Variants in IDUA observed in about 807,000 individuals in gnomAD.
The protein encoded by IDUA is alpha-L-iduronidase.
A neutral mutation model predicts 68.9 loss-of-function variants in IDUA; 65 were observed. The ratio of observed to expected loss-of-function variants is 0.94; its 90% CI spans 0.77 to 1.16. The LOEUF (loss-of-function observed/expected upper bound fraction) is 1.16, where lower values mean the gene tolerates loss of function less well. Among genes scored for constraint, IDUA ranks in the 50% most tolerant of loss-of-function variants. The probability of loss-of-function intolerance (pLI) is 0.00; values close to 1 mark genes in which losing one functional copy is unlikely to be tolerated. For missense variants in IDUA, 1,046 were observed against 938.0 expected (o/e 1.12, Z -1.50); for synonymous variants, 529 against 433.6 (o/e 1.22, Z -2.73).
At chr4:995,779 G>C (rs1714711114) in intron 2 of IDUA, among the ~76,000 whole-genome samples, 1 of 152,238 alleles carries the variant, frequency 6.6e-6, no homozygotes. Flanking sequence ...CGTCTGCCAA[G>C]CGCTGCTAGT....
At position 1,001,782 on chromosome 4, in the gene IDUA, C is replaced by G; in HGVS notation, c.693C>G (p.Ser231=). Residue 231 remains serine, a synonymous_variant, in exon 6 of 14, where the codon TCC becomes TCG. Transcript: ENST00000514224. ...ACTCCTTCCACACCCCACCGCGATC[C>G]CCGCTGAGCTGGGGCCTCCTGCGCC... ...PGDSFHTPPR[S]PLSWGLLRHC... is the part of the protein sequence containing the mutation. The G allele has an allele frequency of 6.2e-7, 1 of 1,603,336 alleles. No individual in the cohort carries two copies. The highest frequency in any genetic ancestry group is 8.5e-7 in the Non-Finnish European group (1 of 1,177,928).
chr4:1,001,390 CA>C (rs1392078804), intron 4 of IDUA, 77 bp from the exon 5 acceptor site: 1 of 1,219,044 alleles, frequency 8.2e-7, no homozygotes, highest in Non-Finnish European at 1.2e-6. Context: ...CGCCCTTCAT[CA>C]CCTTGCACCC....
intron 4 of IDUA, 174 bp from the exon 5 acceptor site, chr4:1,001,294 C>T: frequency 1.4e-6 from 1 of 693,402 alleles, no homozygotes; most frequent in Non-Finnish European, 2.6e-6. Context: ...GGCCGCCGCC[C>T]AGGTCTTGGA....
At position 1,004,510 on chromosome 4, in the gene IDUA, T is replaced by C. The variant is rs1211836611; in HGVS notation, c.*117T>C. The C allele has an allele frequency of 8.4e-6, 9 of 1,076,946 alleles. No individual in the cohort carries two copies. The African/African-American group carries it at 1.3e-4, about 15-fold the overall frequency. The allele number at this position is 1,076,946 out of a possible 1,614,324, so 66.7% of individuals were successfully genotyped here. A position where few individuals can be genotyped will look rare whatever the true frequency, so the allele number is the denominator to read the frequency against. The stretch of plus-strand genomic sequence containing the variant: ...TGCAATATATTTTTATATTTTATTA[T>C]TTTCTTTTATATCTTGGTACCAACG... On this transcript the variant is annotated 3_prime_UTR_variant, in exon 14 of 14. Transcript: ENST00000514224. The surrounding 1 kb of genome is among the most constrained non-coding windows in gnomAD (Gnocchi z 5.0).
chr4:1,004,419 C>T lies in IDUA; in HGVS notation c.*26C>T, dbSNP rs770466219. On this transcript the variant is annotated 3_prime_UTR_variant, in exon 14 of 14. Coordinates refer to ENST00000514224, the MANE Select transcript of IDUA (RefSeq NM_000203.5). The surrounding 1 kb of genome is among the most constrained non-coding windows in gnomAD (Gnocchi z 5.0). ...GCCTGTGCTGAGCCCCAGTGGGTTGCACCTCCACCGGCAGTCAGCGAGCTG... is the reference window on the plus strand; with the variant it reads ...GCCTGTGCTGAGCCCCAGTGGGTTGTACCTCCACCGGCAGTCAGCGAGCTG... The T allele has an allele frequency of 6.2e-6, 10 of 1,607,872 alleles. No individual in the cohort carries two copies. Among genetic ancestry groups the T allele is most frequent in the Admixed American group, 3.3e-5 (2 of 60,000 alleles).
chr4:991,089 GCCCTGGGCCCCT>G (rs764129362), intron 2 of IDUA: 1 of 1,508,102 alleles, frequency 6.6e-7, no homozygotes, highest in Admixed American at 2.2e-5. Flanking sequence ...AAGGGGGGGT[GCCCTGGGCCCCT>G]CCCTGTGCCC....
intron 7 of IDUA, 27 bp from the exon 8 acceptor site, chr4:1,002,242 G>C (rs757373299): frequency 6.3e-7 from 1 of 1,598,384 alleles, no homozygotes; most frequent in Non-Finnish European, 8.5e-7. Context: ...CGCGCCACCC[G>C]GTCCCAGCTG....
rs377294470 is a variant in IDUA at position 990,177 on chromosome 4, G to A, written c.299+2228G>A. On this transcript the variant is annotated intron_variant, in intron 2 of 13. Transcript: ENST00000514224. ...CGCACACGTTGGCCTGCCCGGCGCCGCGCAGCAGGCTCAGCCATGTGAGGA... is the reference window on the plus strand; with the variant it reads ...CGCACACGTTGGCCTGCCCGGCGCCACGCAGCAGGCTCAGCCATGTGAGGA... The A allele has an allele frequency of 1.0e-4, 161 of 1,559,860 alleles. No individual in the cohort carries two copies. In the African/African-American group the frequency reaches 1.2e-3, roughly 12 times the overall value.
chr4:989,422 T>G, intron 2 of IDUA: 1 of 1,556,444 alleles, frequency 6.4e-7, no homozygotes, highest in East Asian at 2.4e-5. Context: ...GCGTGGGCGT[T>G]GGGTGCGGCC....
intron 2 of IDUA, among the ~76,000 whole-genome samples, chr4:995,069 G>C (rs1306483014): frequency 6.7e-6 from 1 of 149,806 alleles, no homozygotes; most frequent in African/African-American, 2.5e-5. Context: ...TTTTGAGATG[G>C]AGTCTCGCTC....
chr4:991,172 T>C lies in IDUA; in HGVS notation c.299+3223T>C, dbSNP rs1420698720. Reference sequence around the variant, plus strand: ...AGCGTGAGGGCGGTGGCGACACGGATGGCGTAGCAGTCACGCCCGCAGTCC... The same window carrying C: ...AGCGTGAGGGCGGTGGCGACACGGACGGCGTAGCAGTCACGCCCGCAGTCC... On this transcript the variant is annotated intron_variant, in intron 2 of 13. Transcript: ENST00000514224. 6.4e-7 allele frequency: 1 copy of C among 1,569,696 alleles called. No homozygotes were observed. The highest frequency in any genetic ancestry group is 8.7e-7 in the Non-Finnish European group (1 of 1,154,414).
intron 4 of IDUA, 164 bp downstream of exon 4, chr4:1,001,153 C>G: frequency 1.5e-6 from 1 of 647,490 alleles, no homozygotes; most frequent in South Asian, 1.8e-5. Flanking sequence ...GTGGTCGGCG[C>G]AGGCCCTGGG....
rs1713859304 is a variant in IDUA, at chr4:987,833, T to A, written c.183T>A (p.Ala61=). The A allele has an allele frequency of 6.2e-7, 1 of 1,612,426 alleles. No individual in the cohort carries two copies. The highest frequency in any genetic ancestry group is 1.3e-5 in the African/African-American group (1 of 74,938). ...GFCPPLPHSQ[A]DQYVLSWDQQ... ...GCCCCCCGCTGCCACACAGCCAGGCTGACCAGTACGTCCTCAGCTGGGACC... is the reference window on the plus strand; with the variant it reads ...GCCCCCCGCTGCCACACAGCCAGGCAGACCAGTACGTCCTCAGCTGGGACC... Residue 61 remains alanine, a synonymous_variant, in exon 2 of 14, where the codon GCT becomes GCA. Transcript: ENST00000514224.
intron 1 of IDUA, 114 bp from the exon 2 acceptor site, chr4:987,695 C>T: frequency 6.5e-7 from 1 of 1,538,358 alleles, no homozygotes; most frequent in Admixed American, 1.9e-5. Flanking sequence ...TCACTGAACG[C>T]ACGGGCAGCG....
At chr4:994,733 G>A (rs1045490898) in intron 2 of IDUA, among the ~76,000 whole-genome samples, 1 of 151,428 alleles carries the variant, frequency 6.6e-6, no homozygotes, top group Admixed American at 6.6e-5. Flanking sequence ...CACTGCACCC[G>A]GCCGCCCCCT....
At chr4:1,003,305 G>C (rs1715231445) in intron 10 of IDUA, 40 bp from the exon 11 acceptor site, 1 of 1,405,628 alleles carries the variant, frequency 7.1e-7, no homozygotes, top group Non-Finnish European at 9.2e-7. Flanking sequence ...AGCGTCCCCA[G>C]CTCCCCTGGA....
At chr4:1,002,215 G>T in intron 7 of IDUA, 54 bp downstream of exon 7, 4 of 1,574,282 alleles carry the variant, frequency 2.5e-6, no homozygotes, top group Non-Finnish European at 2.6e-6. Flanking sequence ...CCCGAGACGG[G>T]ACAGGCGAGC....
At chr4:991,196 C>T in intron 2 of IDUA, 4 of 1,600,752 alleles carry the variant, frequency 2.5e-6, no homozygotes, top group Non-Finnish European at 3.4e-6. Context: ...CGCCCGCAGT[C>T]CAGCATGGCA....
Position 1,004,481 on chromosome 4 carries a change from C to T in IDUA, c.*88C>T. On this transcript the variant is annotated 3_prime_UTR_variant, in exon 14 of 14. Transcript: ENST00000514224. This position sits in a 1 kb window ranked among gnomAD's most constrained non-coding sequence, Gnocchi z 5.0. The stretch of plus-strand genomic sequence containing the variant: ...TGCCCATGCTGCCCTCCCATCACCC[C>T]CTTTGCAATATATTTTTATATTTTA... 2 of 1,258,424 alleles carry T rather than the reference C, an allele frequency of 1.6e-6. No individual in the cohort carries two copies. The highest frequency in any genetic ancestry group is 1.3e-5 in the South Asian group (1 of 77,016). 78.0% of individuals were successfully genotyped at this position (1,258,424 alleles called of 1,614,324 possible). A position where few individuals can be genotyped will look rare whatever the true frequency, so the allele number is the denominator to read the frequency against.
Sources: allele counts gnomAD v4.1 joint callset (sites outside exome capture counted in the v4.1 genomes callset), GRCh38; gene constraint gnomAD v4.1.1; non-coding constraint Gnocchi (gnomAD v3.1); transcripts MANE v1.5; gene names NCBI Gene and HGNC (gene_info 2026-07-23, HGNC 2026-07-21).